Variants in KREMEN1 observed in about 807,000 individuals in gnomAD.
KREMEN1 encodes the protein kringle containing transmembrane protein 1.
A neutral mutation model predicts 46.5 loss-of-function variants in KREMEN1; 30 were observed. That is an observed-to-expected ratio of 0.65 (90% CI 0.48 to 0.88). The LOEUF is 0.88. KREMEN1 is among the 40% of genes least tolerant of loss of function. The pLI is 0.00. For missense variants in KREMEN1, 533 were observed against 596.9 expected, an observed-to-expected ratio of 0.89 and a Z score of 1.11; for synonymous variants, 214 against 230.6, an observed-to-expected ratio of 0.93 and a Z score of 0.65.
chr22:29,105,091 C>T (rs1325937177), intron 3 of KREMEN1, among the ~76,000 whole-genome samples: 2 of 152,010 alleles, frequency 1.3e-5, no homozygotes, highest in Non-Finnish European at 2.9e-5. Context: ...TAAGCATATG[C>T]GAGATACTCT....
At position 29,121,423 on chromosome 22, in the gene KREMEN1, C is replaced by T. The variant is rs1440967211; in HGVS notation, c.419C>T (p.Thr140Met). ...NPPPLTGTSK[T>M]SNKLTIQTCI... ...CCTCCTCTAACTGGCACCAGTAAAACGTCCAACAAACTCACCATACAAACT... is the reference window on the plus strand; with the variant it reads ...CCTCCTCTAACTGGCACCAGTAAAATGTCCAACAAACTCACCATACAAACT... The change falls in exon 4 of 9, where the codon ACG becomes ATG. Residue 140 changes from threonine to methionine, a missense_variant. Physicochemically the swap from Thr to Met is moderately conservative, Grantham distance 81. Coordinates refer to ENST00000400335, the MANE Select transcript of KREMEN1 (RefSeq NM_001039570.3). 4.3e-6 allele frequency: 7 copies of T among 1,613,956 alleles called. No homozygotes were observed. The highest frequency in any genetic ancestry group is 4.5e-5 in the East Asian group (2 of 44,898).
chr22:29,146,239 T>C lies in KREMEN1; in HGVS notation c.*4127T>C. 1.0e-6 allele frequency: 1 copy of C among 985,922 alleles called. No individual in the cohort carries two copies. The highest frequency in any genetic ancestry group is 1.2e-6 in the Non-Finnish European group (1 of 829,988). 61.1% of individuals were successfully genotyped at this position (985,922 alleles called of 1,614,324 possible). On this transcript the variant is annotated 3_prime_UTR_variant, in exon 9 of 9. Transcript: ENST00000400335. ...TGTTTACCTTCCTCACTGTTCTACCTCCTGGCCAGGTCTCAGCTTAGCTTC... is the reference window on the plus strand; with the variant it reads ...TGTTTACCTTCCTCACTGTTCTACCCCCTGGCCAGGTCTCAGCTTAGCTTC...
At chr22:29,123,830 C>T (rs1056105827) in intron 4 of KREMEN1, among the ~76,000 whole-genome samples, 19 of 152,006 alleles carry the variant, frequency 1.2e-4, no homozygotes, top group Non-Finnish European at 2.5e-4. Context: ...AAGATATAGT[C>T]GACATCATTA....
intron 4 of KREMEN1, among the ~76,000 whole-genome samples, chr22:29,124,789 G>A (rs566022848): frequency 7.2e-5 from 11 of 152,108 alleles, no homozygotes; most frequent in South Asian, 4.2e-4. Context: ...CACCATGCCC[G>A]GCTGTGGTTA....
At chr22:29,166,907 TG>T in intron 9 of KREMEN1, 1 of 682,940 alleles carries the variant, frequency 1.5e-6, no homozygotes, top group Non-Finnish European at 2.6e-6. Flanking sequence ...CACTCCAGGC[TG>T]GGTGACAGAG....
chr22:29,080,896 C>G (rs539316807), intron 1 of KREMEN1, among the ~76,000 whole-genome samples: 1 of 150,258 alleles, frequency 6.7e-6, no homozygotes, highest in East Asian at 2.0e-4. Flanking sequence ...ATGTCAGTAG[C>G]ACTGAGGTTG....
chr22:29,166,226 T>G (rs1285681383), intron 9 of KREMEN1, among the ~76,000 whole-genome samples: 1 of 112,894 alleles, frequency 8.9e-6, no homozygotes, highest in African/African-American at 4.3e-5. Flanking sequence ...CAGATGGCTC[T>G]TTTTTTTTTT....
intron 3 of KREMEN1, among the ~76,000 whole-genome samples, chr22:29,117,764 A>ATCG (rs1216414311): frequency 2.0e-5 from 3 of 152,222 alleles, no homozygotes; most frequent in Non-Finnish European, 4.4e-5. Flanking sequence ...TGATTCATAA[A>ATCG]TCGATAACAT....
rs548976053 is a variant in KREMEN1 at position 29,135,809 on chromosome 22, G to A, written c.632-1533G>A. 1.2e-4 allele frequency among the ~76,000 whole-genome samples: 18 copies of A among 152,256 alleles called. No homozygotes were observed. In the East Asian group the frequency reaches 3.3e-3, roughly 28 times the overall value. On this transcript the variant is annotated intron_variant, in intron 5 of 8. Transcript: ENST00000400335. ...TCTCAAAGATGAAACTGTTTGTGTG[G>A]CCTGACTCTCCTTGATGGGGCTTTG... is the stretch of plus-strand genomic sequence containing the variant.
At chr22:29,135,459 AGAGAG>A in intron 5 of KREMEN1, among the ~76,000 whole-genome samples, 1 of 152,134 alleles carries the variant, frequency 6.6e-6, no homozygotes, top group East Asian at 1.9e-4. Flanking sequence ...TTACTTTCTT[AGAGAG>A]GAGAGTCCCT....
At chr22:29,166,532 A>G (rs1439187776) in intron 9 of KREMEN1, among the ~76,000 whole-genome samples, 1 of 152,222 alleles carries the variant, frequency 6.6e-6, no homozygotes, top group Non-Finnish European at 1.5e-5. Flanking sequence ...TTGATCATCC[A>G]CTTAGTAATA....
At chr22:29,138,938 G>A in intron 7 of KREMEN1, 156 bp downstream of exon 7, 1 of 1,129,708 alleles carries the variant, frequency 8.9e-7, no homozygotes, top group South Asian at 1.4e-5. Flanking sequence ...TGGCTTTTGA[G>A]GGAAATTTTC....
At chr22:29,089,142 A>C (rs1332756753) in intron 1 of KREMEN1, among the ~76,000 whole-genome samples, 1 of 152,126 alleles carries the variant, frequency 6.6e-6, no homozygotes. Context: ...TTCTAGCTTT[A>C]GCCTCAGCCT....
chr22:29,128,172 A>G (rs1409749957), intron 5 of KREMEN1, among the ~76,000 whole-genome samples: 1 of 152,216 alleles, frequency 6.6e-6, no homozygotes, highest in Admixed American at 6.5e-5. Flanking sequence ...TGATTGTATA[A>G]CATTGTGGAT....
At chr22:29,150,051 C>G (rs2038903045), downstream of KREMEN1, among the ~76,000 whole-genome samples, 1 of 147,670 alleles carries the variant, frequency 6.8e-6, no homozygotes, top group African/African-American at 2.4e-5. Context: ...GAGGTCGGGT[C>G]CCGATGGGGG....
downstream of KREMEN1, among the ~76,000 whole-genome samples, chr22:29,147,623 C>T (rs969866897): frequency 6.6e-6 from 1 of 152,176 alleles, no homozygotes; most frequent in South Asian, 2.1e-4. Context: ...ATCAGATTCC[C>T]AGTTTAGAAA....
At chr22:29,117,854 T>G (rs1264237010) in intron 3 of KREMEN1, among the ~76,000 whole-genome samples, 2 of 152,220 alleles carry the variant, frequency 1.3e-5, no homozygotes, top group Non-Finnish European at 2.9e-5. Context: ...AAAGCTATAT[T>G]TAGTATTATA....
intron 3 of KREMEN1, among the ~76,000 whole-genome samples, chr22:29,117,984 TC>T (rs1237584170): frequency 6.6e-6 from 1 of 152,170 alleles, no homozygotes; most frequent in Non-Finnish European, 1.5e-5. Context: ...CTTCGCAATA[TC>T]CTGCTTCAAG....
chr22:29,090,966 T>C (rs1421794268), intron 1 of KREMEN1, among the ~76,000 whole-genome samples: 1 of 134,784 alleles, frequency 7.4e-6, no homozygotes, highest in Non-Finnish European at 1.6e-5. Context: ...CTGTCATGTG[T>C]GTGCATTTTA....
Sources: allele counts gnomAD v4.1 joint callset (sites outside exome capture counted in the v4.1 genomes callset), GRCh38; gene constraint gnomAD v4.1.1; transcripts MANE v1.5; gene names NCBI Gene and HGNC (gene_info 2026-07-23, HGNC 2026-07-21).